EPHB6: variants seen among roughly 807,000 people sequenced by gnomAD.
EPHB6 encodes the protein ephrin type-B receptor 6.
A neutral mutation model predicts 107.0 loss-of-function variants in EPHB6; 51 were observed. The observed-to-expected ratio is 0.48, with a 90% CI of 0.38 to 0.60. The LOEUF is 0.60. EPHB6 is among the 20% of genes least tolerant of loss of function. The pLI is 0.00. For synonymous variants in EPHB6, 553 were observed against 549.0 expected, an observed-to-expected ratio of 1.01 and a Z score of -0.10; for missense variants, 1,141 against 1,355.5, an observed-to-expected ratio of 0.84 and a Z score of 2.48.
At chr7:142,862,512 A>C (rs1802889799) in intron 3 of EPHB6, among the ~76,000 whole-genome samples, 1 of 152,152 alleles carries the variant, frequency 6.6e-6, no homozygotes, top group South Asian at 2.1e-4. Flanking sequence ...CTCATTTATC[A>C]GACTGAATCT....
rs1448134447 is a variant in EPHB6 at position 142,866,823 on chromosome 7, C to T, written c.1588-83C>T. The T allele has an allele frequency of 6.2e-7, 1 of 1,606,690 alleles. No homozygotes were observed. The highest frequency in any genetic ancestry group is 1.3e-5 in the African/African-American group (1 of 74,740). Reference sequence around the variant, plus strand: ...GGCATGTGTCTGAGAGCCCTGTCAACCAGGGAGGGTGGCTGGGGGCCTTAG... The same window carrying T: ...GGCATGTGTCTGAGAGCCCTGTCAATCAGGGAGGGTGGCTGGGGGCCTTAG... On this transcript the variant is annotated intron_variant, in intron 10 of 19. Coordinates refer to ENST00000652003, the MANE Select transcript of EPHB6 (RefSeq NM_004445.6). This position sits in a 1 kb window ranked among gnomAD's most constrained non-coding sequence, Gnocchi z 5.2.
Position 142,868,780 on chromosome 7 carries a change from A to G in EPHB6, c.2286+41A>G. The G allele has an allele frequency of 6.2e-7, 1 of 1,613,534 alleles. No homozygotes were observed. The highest frequency in any genetic ancestry group is 8.5e-7 in the Non-Finnish European group (1 of 1,179,992). On this transcript the variant is annotated intron_variant, in intron 15 of 19. Transcript: ENST00000652003. The surrounding 1 kb of genome is among the most constrained non-coding windows in gnomAD (Gnocchi z 4.2). ...GTGAAGGAGGAGGGTCCTTGGGTCC[A>G]GGAAAGCTTCCAGGAGACGAGGTCC... is the stretch of plus-strand genomic sequence containing the variant.
intron 1 of EPHB6, among the ~76,000 whole-genome samples, chr7:142,858,478 G>C (rs1331046795): frequency 1.3e-4 from 17 of 127,266 alleles, no homozygotes; most frequent in East Asian, 2.2e-4. Context: ...CTCTGTCGCC[G>C]AGGCTGGAGT....
rs1002083667 is a variant in EPHB6 at position 142,870,427 on chromosome 7, A to G, written c.2804+20A>G. On this transcript the variant is annotated intron_variant, in intron 18 of 19. Coordinates refer to ENST00000652003, the MANE Select transcript of EPHB6 (RefSeq NM_004445.6). ...GGAAAGGTCTGGAGCTTGGGGCTAG[A>G]GCCTGGGAAAGCCAGGGAGGGTAGA... 2.5e-6 allele frequency: 4 copies of G among 1,613,916 alleles called. No individual in the cohort carries two copies. Among genetic ancestry groups the G allele is most frequent in the Non-Finnish European group, 3.4e-6 (4 of 1,179,944 alleles).
chr7:142,857,302 G>A (rs548910720), intron 1 of EPHB6, among the ~76,000 whole-genome samples: 37 of 152,212 alleles, frequency 2.4e-4, no homozygotes, highest in Admixed American at 5.9e-4. Flanking sequence ...AGCCAAGGAA[G>A]CAGGGACTAG....
intron 2 of EPHB6, among the ~76,000 whole-genome samples, chr7:142,861,641 A>G (rs1802847730): frequency 6.6e-6 from 1 of 152,242 alleles, no homozygotes; most frequent in Non-Finnish European, 1.5e-5. Context: ...ATATCAGTGC[A>G]TCAACAGTTG....
At position 142,867,285 on chromosome 7, in the gene EPHB6, A is replaced by C. The variant is rs1794651344; in HGVS notation, c.1750+217A>C. The C allele has an allele frequency of 1.6e-6, 1 of 644,956 alleles. No homozygotes were observed. Among genetic ancestry groups the C allele is most frequent in the Admixed American group, 2.7e-5 (1 of 36,920 alleles). The allele number at this position is 644,956 out of a possible 1,614,324, so 40.0% of individuals were successfully genotyped here. On this transcript the variant is annotated intron_variant, in intron 11 of 19. Coordinates refer to ENST00000652003, the MANE Select transcript of EPHB6 (RefSeq NM_004445.6). This position sits in a 1 kb window ranked among gnomAD's most constrained non-coding sequence, Gnocchi z 5.3. Reference sequence around the variant, plus strand: ...TATGCATGTTGAGTGTGGATATAGGAGGGCTGTGGGGATGTGTGTGTGTGT... The same window carrying C: ...TATGCATGTTGAGTGTGGATATAGGCGGGCTGTGGGGATGTGTGTGTGTGT...
chr7:142,858,880 G>T (rs1038975508), intron 1 of EPHB6, among the ~76,000 whole-genome samples: 3 of 152,024 alleles, frequency 2.0e-5, no homozygotes, highest in Non-Finnish European at 4.4e-5. Flanking sequence ...TGGATCTATT[G>T]TCTCTACTGT....
At chr7:142,864,876 G>T in intron 7 of EPHB6, 127 bp downstream of exon 7, 1 of 1,187,642 alleles carries the variant, frequency 8.4e-7, no homozygotes, top group Non-Finnish European at 1.2e-6. Context: ...CTTAGGAAAG[G>T]ACCCTGATTT....
At chr7:142,863,551 G>A in intron 5 of EPHB6, 80 bp from the exon 6 acceptor site, 3 of 1,536,616 alleles carry the variant, frequency 2.0e-6, no homozygotes, top group Non-Finnish European at 2.7e-6. Context: ...GCATTCTTTT[G>A]TTCGCGGTGG....
chr7:142,864,298 C>G lies in EPHB6; in HGVS notation c.498C>G (p.Ser166=), dbSNP rs8177142. The change falls in exon 7 of 20, where the codon TCC becomes TCG. Residue 166 remains serine, a synonymous_variant. Coordinates refer to ENST00000652003, the MANE Select transcript of EPHB6 (RefSeq NM_004445.6). ...DTIAADESFP[S]SSSSSSSSSS... is the part of the protein sequence containing the mutation. ...TTGCAGCAGACGAGAGCTTTCCCTC[C>G]TCCTCCTCCTCCTCCTCCTCCTCTT... 1 of 1,001,384 alleles carries G rather than the reference C, an allele frequency of 1.0e-6. No homozygotes were observed. Among genetic ancestry groups the G allele is most frequent in the African/African-American group, 1.5e-5 (1 of 67,008 alleles). 62.0% of individuals were successfully genotyped at this position (1,001,384 alleles called of 1,614,324 possible). A position where few individuals can be genotyped will look rare whatever the true frequency, so the allele number is the denominator to read the frequency against.
At chr7:142,864,863 C>A in intron 7 of EPHB6, 114 bp downstream of exon 7, 1 of 1,331,588 alleles carries the variant, frequency 7.5e-7, no homozygotes, top group Non-Finnish European at 1.1e-6. Context: ...AGGAATAAGC[C>A]ATCTTAGGAA....
At chr7:142,859,737 A>G (rs1190206553) in intron 1 of EPHB6, among the ~76,000 whole-genome samples, 2 of 152,216 alleles carry the variant, frequency 1.3e-5, no homozygotes, top group African/African-American at 2.4e-5. Flanking sequence ...AAGATCCTCA[A>G]CCATTTCTTT....
chr7:142,869,013 A>T lies in EPHB6; in HGVS notation c.2326A>T (p.Met776Leu). 6.2e-7 allele frequency: 1 copy of T among 1,612,096 alleles called. No individual in the cohort carries two copies. Among genetic ancestry groups the T allele is most frequent in the Non-Finnish European group, 8.5e-7 (1 of 1,179,948 alleles). ...GQFSSLQLVA[M>L]QRGVAAAMQY... ...GTTCAGCAGCCTGCAGCTGGTGGCC[A>T]TGCAGCGGGGAGTGGCTGCTGCCAT... is the stretch of plus-strand genomic sequence containing the variant. The change falls in exon 16 of 20, where the codon ATG becomes TTG. Residue 776 changes from methionine to leucine, a missense_variant. Physicochemically the swap from Met to Leu is conservative, Grantham distance 15. Around this residue, in one of 3 missense-constraint regions of EPHB6, gnomAD observed 616 missense variants for 759.3 expected, o/e 0.81. Transcript: ENST00000652003. The surrounding 1 kb of genome is among the most constrained non-coding windows in gnomAD (Gnocchi z 4.5).
intron 1 of EPHB6, among the ~76,000 whole-genome samples, chr7:142,860,294 T>C (rs1802785724): frequency 6.6e-6 from 1 of 152,216 alleles, no homozygotes; most frequent in Admixed American, 6.5e-5. Context: ...TCTAGGCAAA[T>C]GGTAAAATAG....
rs1314287159 is a variant in EPHB6 at position 142,869,019 on chromosome 7, C to T, written c.2332C>T (p.Arg778Trp). ...FSSLQLVAMQ[R>W]GVAAAMQYLS... Reference sequence around the variant, plus strand: ...CAGCCTGCAGCTGGTGGCCATGCAGCGGGGAGTGGCTGCTGCCATGCAGTA... The same window carrying T: ...CAGCCTGCAGCTGGTGGCCATGCAGTGGGGAGTGGCTGCTGCCATGCAGTA... Residue 778 changes from arginine to tryptophan, a missense_variant, in exon 16 of 20, where the codon CGG becomes TGG. This residue lies in a region of EPHB6 where 616 missense variants were observed against 759.3 expected (regional missense o/e 0.81). Transcript: ENST00000652003. This position sits in a 1 kb window ranked among gnomAD's most constrained non-coding sequence, Gnocchi z 4.5. 9 of 1,612,158 alleles carry T rather than the reference C, an allele frequency of 5.6e-6. No individual in the cohort carries two copies. The highest frequency in any genetic ancestry group is 3.3e-5 in the Admixed American group (2 of 60,012).
At position 142,866,865 on chromosome 7, in the gene EPHB6, A is replaced by G; in HGVS notation, c.1588-41A>G. On this transcript the variant is annotated intron_variant, in intron 10 of 19. Transcript: ENST00000652003. The surrounding 1 kb of genome is among the most constrained non-coding windows in gnomAD (Gnocchi z 5.2). ...GGGCCTTAGGGGCAGAAGCAGGGGCAAGAGGGGGCCAGGCAGGGAGTGAGT... is the reference window on the plus strand; with the variant it reads ...GGGCCTTAGGGGCAGAAGCAGGGGCGAGAGGGGGCCAGGCAGGGAGTGAGT... 6.2e-7 allele frequency: 1 copy of G among 1,613,862 alleles called. No individual in the cohort carries two copies. Among genetic ancestry groups the G allele is most frequent in the Non-Finnish European group, 8.5e-7 (1 of 1,179,898 alleles).
Position 142,870,522 on chromosome 7 carries a change from CCT to C in EPHB6, c.2805-5_2805-4del, listed in dbSNP as rs549791026. Reference sequence around the variant, plus strand: ...AGACCTTGACCCTGCTTGCCCCTCCCCTCTTAGGCCTTCCCAGGCCCTTCTGA... The same window carrying C: ...AGACCTTGACCCTGCTTGCCCCTCCCCTTAGGCCTTCCCAGGCCCTTCTGA... On this transcript the variant is annotated splice_region_variant and splice_polypyrimidine_tract_variant and intron_variant, in intron 18 of 19. Coordinates refer to ENST00000652003, the MANE Select transcript of EPHB6 (RefSeq NM_004445.6). 6.0e-4 allele frequency: 973 copies of C among 1,614,200 alleles called. 16 individuals are homozygous for C. In the East Asian group the frequency reaches 0.021, roughly 35 times the overall value.
intron 7 of EPHB6, among the ~76,000 whole-genome samples, chr7:142,865,130 G>T (rs1803081563): frequency 6.6e-6 from 1 of 152,170 alleles, no homozygotes. Flanking sequence ...AGGGACGCAG[G>T]TAGAGGAAGG....
Sources: allele counts gnomAD v4.1 joint callset (sites outside exome capture counted in the v4.1 genomes callset), GRCh38; gene constraint gnomAD v4.1.1; regional missense constraint gnomAD v4.1.1; non-coding constraint Gnocchi (gnomAD v3.1); transcripts MANE v1.5; gene names NCBI Gene and HGNC (gene_info 2026-07-23, HGNC 2026-07-21).